IL1RAPL2: variants seen among roughly 807,000 people sequenced by gnomAD.
IL1RAPL2 encodes the protein interleukin 1 receptor accessory protein like 2.
Under a neutral mutation model 44.1 loss-of-function variants are expected in IL1RAPL2, and 3 were observed. The ratio of observed to expected loss-of-function variants is 0.07; its 90% CI spans 0.03 to 0.18. IL1RAPL2 has a LOEUF of 0.18. Among genes scored for constraint, IL1RAPL2 ranks in the 10% least tolerant of loss-of-function variants. IL1RAPL2 has a pLI of 1.00. For missense variants in IL1RAPL2, 391 were observed against 496.4 expected, an observed-to-expected ratio of 0.79 and a Z score of 2.02; for synonymous variants, 181 against 178.8, an observed-to-expected ratio of 1.01 and a Z score of -0.10.
In IL1RAPL2 at chrX:105,427,771, A is replaced by G. The variant is rs141714961; in HGVS notation, c.698-56542A>G. 8.2e-4 allele frequency among the ~76,000 whole-genome samples: 91 copies of G among 111,481 alleles called. 1 individual carries two copies. The East Asian group carries it at 0.015, about 18-fold the overall frequency. On this transcript the variant is annotated intron_variant, in intron 5 of 10. Transcript: ENST00000372582. ...AACATGTGTAGATGAGATTTAGATT[A>G]TGGTTTAAGACTAACTACTAACTGC...
chrX:105,552,454 G>A (rs1602464471), intron 6 of IL1RAPL2, among the ~76,000 whole-genome samples: 1 of 112,033 alleles, frequency 8.9e-6, no homozygotes, highest in Non-Finnish European at 1.9e-5. Context: ...TTTTGCGTTC[G>A]CAAATCTAGA....
chrX:104,796,760 T>C (rs1043697039), intron 2 of IL1RAPL2, among the ~76,000 whole-genome samples: 2 of 111,073 alleles, frequency 1.8e-5, no homozygotes, highest in Non-Finnish European at 3.8e-5. Context: ...TTTTTGGTTC[T>C]TTTTTTGTTT....
At chrX:105,020,773 G>A (rs184075156) in intron 2 of IL1RAPL2, among the ~76,000 whole-genome samples, 9 of 110,971 alleles carry the variant, frequency 8.1e-5, no homozygotes, top group Non-Finnish European at 1.5e-4. Context: ...AGTGTTTTGG[G>A]AAACCCCACA....
At chrX:104,725,251 T>C (rs747245994) in intron 2 of IL1RAPL2, among the ~76,000 whole-genome samples, 2 of 111,952 alleles carry the variant, frequency 1.8e-5, no homozygotes, top group South Asian at 7.5e-4. Flanking sequence ...CCATGGTGTA[T>C]ATGTGCCACA....
At chrX:105,682,040 A>G (rs1393948341) in intron 6 of IL1RAPL2, among the ~76,000 whole-genome samples, 3 of 112,133 alleles carry the variant, frequency 2.7e-5, no homozygotes, top group Non-Finnish European at 5.6e-5. Context: ...TCTAATGAGC[A>G]TTTGTTGTAA....
At chrX:105,422,486 A>G (rs960744966) in intron 5 of IL1RAPL2, among the ~76,000 whole-genome samples, 3 of 112,346 alleles carry the variant, frequency 2.7e-5, no homozygotes, top group African/African-American at 9.7e-5. Flanking sequence ...GCGTCCTGTT[A>G]TAGAGGAAAA....
intron 1 of IL1RAPL2, among the ~76,000 whole-genome samples, chrX:104,656,090 G>T (rs1484784251): frequency 9.0e-6 from 1 of 110,551 alleles, no homozygotes; most frequent in Non-Finnish European, 1.9e-5. Context: ...CTTGCTAGTG[G>T]TCTATCAATT....
At chrX:105,498,517 AT>A (rs2147781334) in intron 6 of IL1RAPL2, among the ~76,000 whole-genome samples, 1 of 111,168 alleles carries the variant, frequency 9.0e-6, no homozygotes, top group Admixed American at 9.6e-5. Context: ...CCAGTGACAT[AT>A]TTTTTTGCAG....
chrX:104,918,278 C>G (rs1454754645), intron 2 of IL1RAPL2, among the ~76,000 whole-genome samples: 1 of 111,384 alleles, frequency 9.0e-6, no homozygotes, highest in African/African-American at 3.3e-5. Context: ...AACCTTGGCT[C>G]TGTCTCATGA....
chrX:104,635,381 C>T (rs1401799982), intron 1 of IL1RAPL2, among the ~76,000 whole-genome samples: 2 of 110,489 alleles, frequency 1.8e-5, no homozygotes, highest in Non-Finnish European at 3.8e-5. Flanking sequence ...TGAATCTGAA[C>T]GTTGGCCTGC....
At chrX:104,847,894 G>C (rs1173383055) in intron 2 of IL1RAPL2, among the ~76,000 whole-genome samples, 1 of 110,879 alleles carries the variant, frequency 9.0e-6, no homozygotes, top group Non-Finnish European at 1.9e-5. Flanking sequence ...AGTTCTCCTT[G>C]AAGAGGTCCT....
At chrX:104,686,565 A>G (rs2147543156) in intron 2 of IL1RAPL2, among the ~76,000 whole-genome samples, 1 of 112,185 alleles carries the variant, frequency 8.9e-6, no homozygotes, top group South Asian at 3.7e-4. Context: ...TGGGAAGGGT[A>G]GAATCACTGA....
chrX:105,223,036 G>T (rs2033981461), intron 3 of IL1RAPL2, among the ~76,000 whole-genome samples: 1 of 110,250 alleles, frequency 9.1e-6, no homozygotes, highest in African/African-American at 3.3e-5. Flanking sequence ...TGTAGTCCCA[G>T]CTACTTGGGA....
At chrX:104,622,162 C>T (rs1488207413) in intron 1 of IL1RAPL2, among the ~76,000 whole-genome samples, 1 of 110,221 alleles carries the variant, frequency 9.1e-6, no homozygotes, top group Non-Finnish European at 1.9e-5. Flanking sequence ...AAGGACTTGG[C>T]AATGTAGGCA....
At chrX:105,683,493 A>C (rs140812486) in intron 6 of IL1RAPL2, among the ~76,000 whole-genome samples, 2,886 of 110,142 alleles carry the variant, frequency 0.026, 89 homozygotes, top group African/African-American at 0.09. Flanking sequence ...ATAAGTGTGC[A>C]TTTTAAAAAT....
At position 104,790,127 on chromosome X, in the gene IL1RAPL2, A is replaced by C. The variant is rs140070652; in HGVS notation, c.82+131132A>C. 7.2e-3 allele frequency among the ~76,000 whole-genome samples: 810 copies of C among 111,929 alleles called. 13 individuals are homozygous for C. The highest frequency in any genetic ancestry group is 0.025 in the African/African-American group (766 of 30,789). On this transcript the variant is annotated intron_variant, in intron 2 of 10. Transcript: ENST00000372582. The stretch of plus-strand genomic sequence containing the variant: ...CTCCCTTATCAAGCTGTAATTCAAT[A>C]ATAAATACAAAAAAATTTTTGTTTA...
At chrX:105,445,523 G>A (rs2035948758) in intron 5 of IL1RAPL2, among the ~76,000 whole-genome samples, 1 of 110,434 alleles carries the variant, frequency 9.1e-6, no homozygotes, top group Non-Finnish European at 1.9e-5. Flanking sequence ...TTTTGATGTA[G>A]GGACTTACAA....
intron 2 of IL1RAPL2, among the ~76,000 whole-genome samples, chrX:105,061,732 G>A: frequency 8.9e-6 from 1 of 111,833 alleles, no homozygotes; most frequent in Middle Eastern, 4.6e-3. Flanking sequence ...AGTGTTGGGT[G>A]CATATATATT....
At chrX:105,064,317 G>A (rs1291328167) in intron 2 of IL1RAPL2, among the ~76,000 whole-genome samples, 1 of 112,238 alleles carries the variant, frequency 8.9e-6, no homozygotes, top group Admixed American at 9.4e-5. Flanking sequence ...CTCACCCATG[G>A]CCACCAATAC....
Sources: gnomAD v4.1 joint callset for allele counts (sites outside exome capture counted in the v4.1 genomes callset) on GRCh38, gnomAD v4.1.1 for gene constraint, MANE v1.5 for transcripts, NCBI Gene and HGNC (gene_info 2026-07-23, HGNC 2026-07-21) for gene names.